Variants in KLHL22 observed in about 807,000 individuals in gnomAD.
The protein encoded by KLHL22 is kelch-like protein 22.
A neutral mutation model predicts 60.7 loss-of-function variants in KLHL22; 18 were observed. The observed-to-expected ratio is 0.30, with a 90% CI of 0.20 to 0.44. The LOEUF (loss-of-function observed/expected upper bound fraction) is 0.44, where lower values mean the gene tolerates loss of function less well. Ranked by LOEUF, KLHL22 falls within the 20% of genes least tolerant of loss-of-function variation. The pLI is 1.00. For synonymous variants in KLHL22, 355 were observed against 354.5 expected (o/e 1.00, Z -0.01); for missense variants, 596 against 852.3 (o/e 0.70, Z 3.74).
chr22:20,472,440 A>T (rs1037789617), intron 2 of KLHL22, among the ~76,000 whole-genome samples: 4 of 152,112 alleles, frequency 2.6e-5, no homozygotes, highest in Non-Finnish European at 4.4e-5. Flanking sequence ...AAATTACAAA[A>T]ATTGGCCGGG....
chr22:20,446,696 G>T lies in KLHL22; in HGVS notation c.1306-20C>A, dbSNP rs1058990. The stretch of plus-strand genomic sequence containing the variant: ...ATACACCTGTGTGGAGCCACCAGGA[G>T]AAATGGCGTGAGAGGGCAGTGAGGA... On this transcript the variant is annotated intron_variant, in intron 5 of 6. Coordinates refer to ENST00000328879, the MANE Select transcript of KLHL22 (RefSeq NM_032775.4). The T allele has an allele frequency of 6.3e-7, 1 of 1,596,392 alleles. No homozygotes were observed.
In KLHL22 at chr22:20,471,548, T is replaced by C. The variant is rs1289009999; in HGVS notation, c.228-33A>G. On this transcript the variant is annotated intron_variant, in intron 2 of 6. Coordinates refer to ENST00000328879, the MANE Select transcript of KLHL22 (RefSeq NM_032775.4). Reference sequence around the variant, plus strand: ...GTGAAGACACAAGAAAATGGAGTTATACCAACAGGGACTTAAGCCCATGTT... The same window carrying C: ...GTGAAGACACAAGAAAATGGAGTTACACCAACAGGGACTTAAGCCCATGTT... 5.6e-6 allele frequency: 9 copies of C among 1,605,480 alleles called. No individual in the cohort carries two copies. The Admixed American group carries it at 1.2e-4, about 21-fold the overall frequency.
chr22:20,461,825 G>A (rs905879532), intron 4 of KLHL22, among the ~76,000 whole-genome samples: 4 of 151,668 alleles, frequency 2.6e-5, no homozygotes, highest in African/African-American at 9.7e-5. Flanking sequence ...ATGGCCGGGC[G>A]TGGTGGCTCA....
intron 2 of KLHL22, among the ~76,000 whole-genome samples, chr22:20,474,974 C>G (rs966844018): frequency 5.3e-5 from 8 of 152,344 alleles, no homozygotes; most frequent in Admixed American, 1.3e-4. Context: ...CTCACCACCA[C>G]AAAAGGGAAA....
chr22:20,465,594 C>T lies in KLHL22; in HGVS notation c.394-18G>A, dbSNP rs756335955. ...TCTGGGATCTGCAGAGAGAATGACA[C>T]CCATTCAAGCCTGGGCTGGTGAACA... On this transcript the variant is annotated intron_variant, in intron 3 of 6. Transcript: ENST00000328879. This position sits in a 1 kb window ranked among gnomAD's most constrained non-coding sequence, Gnocchi z 4.9. The T allele has an allele frequency of 1.2e-5, 14 of 1,192,496 alleles. No homozygotes were observed. The highest frequency in any genetic ancestry group is 1.8e-5 in the Non-Finnish European group (14 of 795,580). 73.9% of individuals were successfully genotyped at this position (1,192,496 alleles called of 1,614,324 possible).
chr22:20,457,558 A>C (rs2053082729), intron 5 of KLHL22, among the ~76,000 whole-genome samples: 1 of 150,206 alleles, frequency 6.7e-6, no homozygotes, highest in Non-Finnish European at 1.5e-5. Flanking sequence ...AGCATGTAAG[A>C]CTCACAAGTG....
chr22:20,484,044 G>A, intron 2 of KLHL22: 1 of 885,288 alleles, frequency 1.1e-6, no homozygotes, highest in Non-Finnish European at 1.9e-6. Context: ...ATAGCTGGGA[G>A]CCTGGACAGA....
intron 5 of KLHL22, chr22:20,450,224 G>A (rs915772520): frequency 7.3e-6 from 6 of 822,102 alleles, no homozygotes; most frequent in African/African-American, 5.0e-5. Context: ...CTTCTGTGAT[G>A]TGACATTGAG....
intron 6 of KLHL22, 112 bp from the exon 7 acceptor site, chr22:20,442,550 A>C: frequency 2.3e-6 from 3 of 1,328,570 alleles, no homozygotes; most frequent in Non-Finnish European, 3.0e-6. Flanking sequence ...CTGACAGGTC[A>C]GGCCCCCTGG....
chr22:20,461,439 C>A (rs985865199), intron 4 of KLHL22, among the ~76,000 whole-genome samples: 5 of 150,674 alleles, frequency 3.3e-5, no homozygotes, highest in Middle Eastern at 3.4e-3. Flanking sequence ...TGTAGTCCCA[C>A]CTACTCGGGA....
intron 6 of KLHL22, 73 bp downstream of exon 6, chr22:20,446,370 T>C: frequency 1.1e-6 from 1 of 891,298 alleles, no homozygotes; most frequent in Non-Finnish European, 1.8e-6. Flanking sequence ...ATGATTCAAT[T>C]ACATTTTCCA....
intron 5 of KLHL22, among the ~76,000 whole-genome samples, chr22:20,453,945 G>A (rs1014703435): frequency 3.3e-5 from 5 of 152,178 alleles, no homozygotes; most frequent in African/African-American, 1.2e-4. Context: ...ATGTTGGCCA[G>A]GCTGGTCTTG....
chr22:20,450,845 A>G (rs1488110377), intron 5 of KLHL22: 7 of 1,595,930 alleles, frequency 4.4e-6, no homozygotes, highest in Non-Finnish European at 6.0e-6. Context: ...CCTTTCATCC[A>G]CTATGGTTTA....
At chr22:20,458,116 C>A (rs542735095) in intron 4 of KLHL22, 116 bp from the exon 5 acceptor site, 2 of 1,064,046 alleles carry the variant, frequency 1.9e-6, no homozygotes, top group African/African-American at 3.1e-5. Flanking sequence ...CTGAACCCTC[C>A]CCAACTACCC....
intron 2 of KLHL22, among the ~76,000 whole-genome samples, chr22:20,486,091 C>T (rs916068586): frequency 2.7e-5 from 4 of 148,140 alleles, no homozygotes; most frequent in East Asian, 2.0e-4. Flanking sequence ...TTGCTTGAAC[C>T]CGGAGGCAGA....
intron 5 of KLHL22, among the ~76,000 whole-genome samples, chr22:20,455,986 T>G (rs1290232666): frequency 6.6e-6 from 1 of 152,246 alleles, no homozygotes; most frequent in East Asian, 1.9e-4. Context: ...CCTTCACTTT[T>G]GCAATAAACT....
At chr22:20,471,909 A>G (rs1601362731) in intron 2 of KLHL22, among the ~76,000 whole-genome samples, 2 of 152,334 alleles carry the variant, frequency 1.3e-5, no homozygotes, top group East Asian at 1.9e-4. Flanking sequence ...ATTTCATTCA[A>G]TGTATATTTA....
chr22:20,445,530 C>T (rs376498814), intron 6 of KLHL22, among the ~76,000 whole-genome samples: 250 of 152,144 alleles, frequency 1.6e-3, no homozygotes, highest in African/African-American at 5.7e-3. Context: ...TTTAAAGTTC[C>T]GGCAATGTGG....
intron 5 of KLHL22, among the ~76,000 whole-genome samples, chr22:20,452,584 G>C (rs2052997201): frequency 6.6e-6 from 1 of 152,206 alleles, no homozygotes; most frequent in Non-Finnish European, 1.5e-5. Flanking sequence ...CAGCATAAAA[G>C]AGTGAACCAA....
Sources: gnomAD v4.1 joint callset for allele counts (sites outside exome capture counted in the v4.1 genomes callset) on GRCh38, gnomAD v4.1.1 for gene constraint, Gnocchi (gnomAD v3.1) non-coding constraint, MANE v1.5 for transcripts, NCBI Gene and HGNC (gene_info 2026-07-23, HGNC 2026-07-21) for gene names.